Variants in PTGFRN observed in about 807,000 individuals in gnomAD.
PTGFRN encodes the protein prostaglandin F2 receptor inhibitor, also known as prostaglandin F2 receptor negative regulator.
PTGFRN carries 35 observed loss-of-function variants against 83.2 expected under a neutral mutation model. The ratio of observed to expected loss-of-function variants is 0.42; its 90% CI spans 0.32 to 0.56. PTGFRN has a LOEUF of 0.56. PTGFRN is among the 20% of genes least tolerant of loss of function. PTGFRN has a pLI of 0.11. For synonymous variants in PTGFRN, 519 were observed against 498.6 expected (o/e 1.04, Z -0.55); for missense variants, 1,051 against 1,179.5 (o/e 0.89, Z 1.60).
At chr1:116,932,535 CGT>C (rs1220061923) in intron 1 of PTGFRN, among the ~76,000 whole-genome samples, 3 of 152,006 alleles carry the variant, frequency 2.0e-5, no homozygotes, top group African/African-American at 4.8e-5. Context: ...TATAAATATG[CGT>C]GGTGTTAAAG....
intron 1 of PTGFRN, among the ~76,000 whole-genome samples, chr1:116,925,011 G>C (rs145400636): frequency 7.2e-5 from 11 of 152,310 alleles, no homozygotes; most frequent in African/African-American, 2.2e-4. Flanking sequence ...AGGTGGGGAA[G>C]GATCAGGAAA....
At position 116,989,704 on chromosome 1, in the gene PTGFRN, C is replaced by G. The variant is rs1438641324; in HGVS notation, c.*2737C>G. Reference sequence around the variant, plus strand: ...CTTTATGATGTTTACATACACGTTTCACTTTGAAAAAAAATGCAAATCGAC... The same window carrying G: ...CTTTATGATGTTTACATACACGTTTGACTTTGAAAAAAAATGCAAATCGAC... On this transcript the variant is annotated 3_prime_UTR_variant, in exon 9 of 9. Transcript: ENST00000393203. 3 of 152,524 alleles carry G rather than the reference C, an allele frequency of 2.0e-5. No individual in the cohort carries two copies. Among genetic ancestry groups the G allele is most frequent in the African/African-American group, 7.2e-5 (3 of 41,410 alleles). 9.4% of individuals were successfully genotyped at this position (152,524 alleles called of 1,614,324 possible). A position where few individuals can be genotyped will look rare whatever the true frequency, so the allele number is the denominator to read the frequency against.
At position 116,944,992 on chromosome 1, in the gene PTGFRN, C is replaced by A; in HGVS notation, c.732C>A (p.Ser244=). ...VSRALSADQG[S]YRCIVSEWIA... is the part of the protein sequence containing the mutation. ...GGGCTCTGTCTGCCGACCAGGGCTC[C>A]TACAGGTGTATCGTCAGCGAGTGGA... The change falls in exon 3 of 9, where the codon TCC becomes TCA. Residue 244 remains serine (S), a synonymous_variant. Coordinates refer to ENST00000393203, the MANE Select transcript of PTGFRN (RefSeq NM_020440.4). The A allele has an allele frequency of 6.2e-7, 1 of 1,613,904 alleles. No individual in the cohort carries two copies. Among genetic ancestry groups the A allele is most frequent in the East Asian group, 2.2e-5 (1 of 44,888 alleles).
intron 7 of PTGFRN, among the ~76,000 whole-genome samples, chr1:116,982,309 G>A (rs1651341920): frequency 6.6e-6 from 1 of 152,134 alleles, no homozygotes; most frequent in South Asian, 2.1e-4. Flanking sequence ...ATAGGTAGCT[G>A]TTATCTTTCA....
chr1:116,956,410 G>A (rs533226362), intron 4 of PTGFRN, among the ~76,000 whole-genome samples: 2 of 152,312 alleles, frequency 1.3e-5, no homozygotes, highest in South Asian at 4.1e-4. Context: ...CAAGTCCCCC[G>A]TACTCTCATT....
chr1:116,928,469 A>G (rs989356358), intron 1 of PTGFRN, among the ~76,000 whole-genome samples: 2 of 152,174 alleles, frequency 1.3e-5, no homozygotes, highest in Non-Finnish European at 2.9e-5. Context: ...CTTGTTAACA[A>G]CCTGGGACCC....
chr1:116,918,941 A>G lies in PTGFRN; in HGVS notation c.49+8689A>G, dbSNP rs149941836. Among the ~76,000 whole-genome samples, 5 of 152,266 alleles carry G rather than the reference A, an allele frequency of 3.3e-5. No individual in the cohort carries two copies. Among genetic ancestry groups the G allele is most frequent in the African/African-American group, 1.2e-4 (5 of 41,550 alleles). On this transcript the variant is annotated intron_variant, in intron 1 of 8. Coordinates refer to ENST00000393203, the MANE Select transcript of PTGFRN (RefSeq NM_020440.4). The surrounding 1 kb of genome is among the most constrained non-coding windows in gnomAD (Gnocchi z 4.1). Reference sequence around the variant, plus strand: ...TGAGTGGGGCTTCCAGGCTTGATGCACCTGCAGAAGGTTTGAGGGCCTGGA... The same window carrying G: ...TGAGTGGGGCTTCCAGGCTTGATGCGCCTGCAGAAGGTTTGAGGGCCTGGA...
chr1:116,914,651 G>C (rs1311805834), intron 1 of PTGFRN, among the ~76,000 whole-genome samples: 1 of 152,062 alleles, frequency 6.6e-6, no homozygotes, highest in Admixed American at 6.6e-5. Context: ...CTACTTGGGA[G>C]GCTGAGTGGG....
At chr1:116,934,086 C>A (rs1363511190) in intron 1 of PTGFRN, among the ~76,000 whole-genome samples, 1 of 151,724 alleles carries the variant, frequency 6.6e-6, no homozygotes, top group East Asian at 1.9e-4. Flanking sequence ...TTTTTTATAC[C>A]CTGGGCTTCA....
Position 116,990,065 on chromosome 1 carries a change from A to G in PTGFRN, c.*3098A>G, listed in dbSNP as rs1651675386. On this transcript the variant is annotated 3_prime_UTR_variant, in exon 9 of 9. Transcript: ENST00000393203. Reference sequence around the variant, plus strand: ...AAACTTTTTTTTAGCTTCACCGATGACAACAGAGGAAGAAGGGAACTGGGA... The same window carrying G: ...AAACTTTTTTTTAGCTTCACCGATGGCAACAGAGGAAGAAGGGAACTGGGA... The G allele has an allele frequency of 6.6e-6, 1 of 152,666 alleles. No homozygotes were observed. 9.5% of individuals were successfully genotyped at this position (152,666 alleles called of 1,614,324 possible).
Position 116,944,785 on chromosome 1 carries a change from G to A in PTGFRN, c.525G>A (p.Ser175=), listed in dbSNP as rs1323584590. ...TGCGCTGCACCGCCGCCTCCGCCTC[G>A]CCGCTGCACACGCACCTGGCGCTGC... The part of the protein sequence containing the change: ...FELRCTAASA[S]PLHTHLALLW... The change falls in exon 3 of 9, where the codon TCG becomes TCA. Residue 175 remains serine, a synonymous_variant. Coordinates refer to ENST00000393203, the MANE Select transcript of PTGFRN (RefSeq NM_020440.4). 18 of 1,560,580 alleles carry A rather than the reference G, an allele frequency of 1.2e-5. No homozygotes were observed. Among genetic ancestry groups the A allele is most frequent in the South Asian group, 1.2e-5 (1 of 86,084 alleles).
At chr1:116,966,383 C>T (rs919740829) in intron 5 of PTGFRN, among the ~76,000 whole-genome samples, 1 of 152,254 alleles carries the variant, frequency 6.6e-6, no homozygotes, top group African/African-American at 2.4e-5. Flanking sequence ...TGTAATGTCA[C>T]TATCATATGA....
At chr1:116,971,332 T>C (rs1353823221) in intron 6 of PTGFRN, among the ~76,000 whole-genome samples, 3 of 151,986 alleles carry the variant, frequency 2.0e-5, no homozygotes, top group Non-Finnish European at 4.4e-5. Context: ...ACTTTTGCTT[T>C]CATTAAAAAA....
chr1:116,965,524 A>G lies in PTGFRN; in HGVS notation c.1640-1387A>G, dbSNP rs370429263. On this transcript the variant is annotated intron_variant, in intron 5 of 8. Coordinates refer to ENST00000393203, the MANE Select transcript of PTGFRN (RefSeq NM_020440.4). Reference sequence around the variant, plus strand: ...GATCCCAAACTCCTGGCCTCATGCAATCCTCTCGCCTCAGCCTCTCTAATC... The same window carrying G: ...GATCCCAAACTCCTGGCCTCATGCAGTCCTCTCGCCTCAGCCTCTCTAATC... 2.3e-3 allele frequency among the ~76,000 whole-genome samples: 349 copies of G among 152,130 alleles called. 4 individuals are homozygous for G. The South Asian group carries it at 0.026, about 11-fold the overall frequency.
chr1:116,960,677 G>A (rs1242460211), intron 4 of PTGFRN, among the ~76,000 whole-genome samples: 1 of 152,148 alleles, frequency 6.6e-6, no homozygotes. Flanking sequence ...TCAGAGGAAC[G>A]GTAAAGTGAG....
In PTGFRN at chr1:116,923,932, G is replaced by A. The variant is rs1411250695; in HGVS notation, c.49+13680G>A. ...GACTCCTCCAGCAACCAGTCTAAAT[G>A]TGGAGGATGACACACACACAGGAAG... On this transcript the variant is annotated intron_variant, in intron 1 of 8. Coordinates refer to ENST00000393203, the MANE Select transcript of PTGFRN (RefSeq NM_020440.4). This position sits in a 1 kb window ranked among gnomAD's most constrained non-coding sequence, Gnocchi z 4.0. Among the ~76,000 whole-genome samples the A allele has an allele frequency of 2.0e-5, 3 of 152,140 alleles. No individual in the cohort carries two copies. Among genetic ancestry groups the A allele is most frequent in the Non-Finnish European group, 4.4e-5 (3 of 68,026 alleles).
Position 116,967,209 on chromosome 1 carries a change from G to C in PTGFRN, c.1938G>C (p.Gln646His). Residue 646 changes from glutamine to histidine, a missense_variant, in exon 6 of 9, where the codon CAG (glutamine) becomes CAC (histidine). Physicochemically the swap from Gln to His is conservative, Grantham distance 24 (BLOSUM62 0). Coordinates refer to ENST00000393203, the MANE Select transcript of PTGFRN (RefSeq NM_020440.4). ...DEFRYRMYQT[Q>H]VSDAGLYRCM... ...TCCGCTATCGAATGTACCAGACTCA[G>C]GTCTCAGACGCAGGGCTGTACCGCT... The C allele has an allele frequency of 1.9e-6, 3 of 1,614,208 alleles. No individual in the cohort carries two copies. Among genetic ancestry groups the C allele is most frequent in the Non-Finnish European group, 2.5e-6 (3 of 1,180,034 alleles).
chr1:116,988,845 T>C lies in PTGFRN; in HGVS notation c.*1878T>C, dbSNP rs1028812571. The stretch of plus-strand genomic sequence containing the variant: ...GTGGTGGGAAGACGGGCAACAAGTA[T>C]ACCCCACCAGGGCCTGAGTGACTAG... On this transcript the variant is annotated 3_prime_UTR_variant, in exon 9 of 9. Coordinates refer to ENST00000393203, the MANE Select transcript of PTGFRN (RefSeq NM_020440.4). The C allele has an allele frequency of 6.6e-6, 1 of 152,366 alleles. No homozygotes were observed. Among genetic ancestry groups the C allele is most frequent in the Non-Finnish European group, 1.5e-5 (1 of 68,044 alleles). 9.4% of individuals were successfully genotyped at this position (152,366 alleles called of 1,614,324 possible).
At position 116,961,017 on chromosome 1, in the gene PTGFRN, G is replaced by T. The variant is rs1354543004; in HGVS notation, c.1214-226G>T. On this transcript the variant is annotated intron_variant, in intron 4 of 8. Transcript: ENST00000393203. The surrounding 1 kb of genome is among the most constrained non-coding windows in gnomAD (Gnocchi z 5.4). ...GAGGACATTGGGCTTCTGTTCTTGG[G>T]AGGTTTTCTTGGGGTGGGAGGTATG... is the stretch of plus-strand genomic sequence containing the variant. Among the ~76,000 whole-genome samples, 1 of 152,174 alleles carries T rather than the reference G, an allele frequency of 6.6e-6. No individual in the cohort carries two copies. Among genetic ancestry groups the T allele is most frequent in the Non-Finnish European group, 1.5e-5 (1 of 68,010 alleles).
Sources: allele counts gnomAD v4.1 joint callset (sites outside exome capture counted in the v4.1 genomes callset), GRCh38; gene constraint gnomAD v4.1.1; non-coding constraint Gnocchi (gnomAD v3.1); transcripts MANE v1.5; gene names NCBI Gene and HGNC (gene_info 2026-07-23, HGNC 2026-07-21).